IRX6: variants seen among roughly 807,000 people sequenced by gnomAD.
The protein encoded by IRX6 is iroquois-class homeodomain protein IRX-6.
Under a neutral mutation model 47.7 loss-of-function variants are expected in IRX6, and 46 were observed. The observed-to-expected ratio is 0.96, with a 90% CI of 0.76 to 1.23. IRX6 has a LOEUF of 1.23. Among genes scored for constraint, IRX6 ranks in the 50% most tolerant of loss-of-function variants. IRX6 has a pLI of 0.00. For synonymous variants in IRX6, 265 were observed against 246.2 expected (o/e 1.08, Z -0.72); for missense variants, 722 against 588.0 (o/e 1.23, Z -2.36).
chr16:55,329,423 A>G, intron 5 of IRX6, 112 bp downstream of exon 5: 1 of 1,364,474 alleles, frequency 7.3e-7, no homozygotes, highest in Non-Finnish European at 9.8e-7. Flanking sequence ...TCTCCCACAG[A>G]ACTGACGGGA....
intron 2 of IRX6, 26 bp from the exon 3 acceptor site, chr16:55,327,270 T>C (rs1960547295): frequency 6.4e-7 from 1 of 1,563,102 alleles, no homozygotes; most frequent in Non-Finnish European, 8.8e-7. Context: ...ACTGTACTCC[T>C]GAATTCTCTT....
intron 2 of IRX6, 43 bp from the exon 3 acceptor site, chr16:55,327,253 C>T (rs966406992): frequency 7.0e-7 from 1 of 1,436,070 alleles, no homozygotes; most frequent in Non-Finnish European, 9.8e-7. Flanking sequence ...CATGTGCCCC[C>T]TCCCCAACTG....
rs200538269 is a variant in IRX6, at chr16:55,329,053, A to C, written c.1075A>C (p.Thr359Pro). The stretch of plus-strand genomic sequence containing the variant: ...CATCTGGTCTCTGGCGCACACCGCG[A>C]CAGCCAGCGCTGTTGAAGGTGCACC... ...PRIWSLAHTA[T>P]ASAVEGAPPA... is the part of the protein sequence containing the mutation. Residue 359 changes from threonine to proline, a missense_variant, in exon 5 of 6, where the codon ACA (threonine) becomes CCA (proline). By Grantham distance (38) the Thr-to-Pro change is conservative. Coordinates refer to ENST00000290552, the MANE Select transcript of IRX6 (RefSeq NM_024335.3). 6.2e-7 allele frequency: 1 copy of C among 1,613,976 alleles called. No homozygotes were observed.
At position 55,328,965 on chromosome 16, in the gene IRX6, C is replaced by G. The variant is rs1178595577; in HGVS notation, c.987C>G (p.Phe329Leu). The change falls in exon 5 of 6, where the codon TTC becomes TTG. Residue 329 changes from phenylalanine (F) to leucine (L), a missense_variant. Physicochemically the swap from Phe to Leu is conservative, Grantham distance 22 (BLOSUM62 0). Transcript: ENST00000290552. ...CTTCCGGATCGGAAGAAGCTGACTTCCTCTCGGCGGAGACAGGCAGCCCTA... is the reference window on the plus strand; with the variant it reads ...CTTCCGGATCGGAAGAAGCTGACTTGCTCTCGGCGGAGACAGGCAGCCCTA... Reference protein sequence around the residue: ...NDPSGSEEADFLSAETGSPRL... With the variant: ...NDPSGSEEADLLSAETGSPRL... The G allele has an allele frequency of 1.2e-6, 2 of 1,613,726 alleles. No homozygotes were observed.
In IRX6 at chr16:55,327,756, C is replaced by T. The variant is rs746441939; in HGVS notation, c.584C>T (p.Thr195Ile). ...ITKMTLTQVS[T>I]WFANARRRLK... ...AAGATGACCCTCACCCAGGTGTCCA[C>T]CTGGTTCGCCAACGCACGCCGGCGC... Residue 195 changes from threonine (T) to isoleucine (I), a missense_variant, in exon 4 of 6, where the codon ACC becomes ATC. By Grantham distance (89) the Thr-to-Ile change is moderately conservative. Coordinates refer to ENST00000290552, the MANE Select transcript of IRX6 (RefSeq NM_024335.3). The T allele has an allele frequency of 8.7e-6, 14 of 1,612,366 alleles. No individual in the cohort carries two copies. In the Admixed American group the frequency reaches 1.3e-4, roughly 15 times the overall value.
Position 55,326,488 on chromosome 16 carries a change from C to A in IRX6, c.198C>A (p.Ala66=). Reference sequence around the variant, plus strand: ...GCAGTGCGCGACCGGAGCTGGGCGCCGCCTTGGGCATCTATGGAGCACCCT... The same window carrying A: ...GCAGTGCGCGACCGGAGCTGGGCGCAGCCTTGGGCATCTATGGAGCACCCT... The part of the protein sequence containing the change: ...LLGSARPELG[A]ALGIYGAPYA... Residue 66 remains alanine, a synonymous_variant, in exon 2 of 6, where the codon GCC becomes GCA. Transcript: ENST00000290552. 1 of 1,612,846 alleles carries A rather than the reference C, an allele frequency of 6.2e-7. No individual in the cohort carries two copies. The highest frequency in any genetic ancestry group is 8.5e-7 in the Non-Finnish European group (1 of 1,179,746).
At chr16:55,327,551 C>T (rs1490671226) in intron 3 of IRX6, 35 bp from the exon 4 acceptor site, 3 of 1,579,674 alleles carry the variant, frequency 1.9e-6, no homozygotes, top group Admixed American at 1.8e-5. Context: ...TTCCTTGTTC[C>T]TCTTCTATAA....
intron 5 of IRX6, 30 bp from the exon 6 acceptor site, chr16:55,330,268 T>G (rs1329402380): frequency 1.2e-6 from 2 of 1,611,972 alleles, no homozygotes; most frequent in Non-Finnish European, 1.7e-6. Flanking sequence ...TAAACAGCCT[T>G]TGGGTTTTAA....
intron 1 of IRX6, 42 bp downstream of exon 1, chr16:55,325,178 G>A: frequency 6.3e-7 from 1 of 1,598,170 alleles, no homozygotes; most frequent in Non-Finnish European, 8.6e-7. Context: ...AGACTGGGTG[G>A]AGGGAGTGCC....
rs1180908738 is a variant in IRX6 at position 55,325,952 on chromosome 16, T to A, written c.46-384T>A. On this transcript the variant is annotated intron_variant, in intron 1 of 5. Coordinates refer to ENST00000290552, the MANE Select transcript of IRX6 (RefSeq NM_024335.3). ...ATAGAATGGGAGCAGGAATGAGACG[T>A]TAATAATGGTCTCTAAGGCCACCTT... 1.4e-5 allele frequency: 3 copies of A among 208,976 alleles called. No individual in the cohort carries two copies. The East Asian group carries it at 4.0e-4, about 28-fold the overall frequency. 12.9% of individuals were successfully genotyped at this position (208,976 alleles called of 1,614,324 possible). A position where few individuals can be genotyped will look rare whatever the true frequency, so the allele number is the denominator to read the frequency against.
Position 55,324,263 on chromosome 16 carries a change from G to A in IRX6, c.-829G>A, listed in dbSNP as rs1422314318. On this transcript the variant is annotated 5_prime_UTR_variant, in exon 1 of 6. Transcript: ENST00000290552. The surrounding 1 kb of genome is among the most constrained non-coding windows in gnomAD (Gnocchi z 4.4). ...CCAGCTCCCTCCCCCTCCCCCACGC[G>A]CCTCTGTTCACTCAGACTCCTGTCT... 2 of 95,250 alleles carry A rather than the reference G, an allele frequency of 2.1e-5. No homozygotes were observed. Among genetic ancestry groups the A allele is most frequent in the African/African-American group, 8.4e-5 (2 of 23,888 alleles). 5.9% of individuals were successfully genotyped at this position (95,250 alleles called of 1,614,324 possible).
Position 55,329,131 on chromosome 16 carries a change from C to T in IRX6, c.1153C>T (p.Pro385Ser), listed in dbSNP as rs948525713. 6.8e-6 allele frequency: 11 copies of T among 1,614,018 alleles called. No homozygotes were observed. Among genetic ancestry groups the T allele is most frequent in the African/African-American group, 4.0e-5 (3 of 74,936 alleles). Residue 385 changes from proline to serine, a missense_variant, in exon 5 of 6, where the codon CCT becomes TCT. Physicochemically the swap from Pro to Ser is moderately conservative, Grantham distance 74. Coordinates refer to ENST00000290552, the MANE Select transcript of IRX6 (RefSeq NM_024335.3). ...TGAGTGCCGTATGATTCCTGGACAG[C>T]CTCCTGCCTCTGCCCGGCGACTCTC... The part of the protein sequence containing the change: ...SPECRMIPGQ[P>S]PASARRLSVP...
Position 55,330,477 on chromosome 16 carries a change from G to C in IRX6, c.*172G>C, listed in dbSNP as rs1009878948. On this transcript the variant is annotated 3_prime_UTR_variant, in exon 6 of 6. Transcript: ENST00000290552. ...CTGTCCTTGCACGCAGAGCTGGGGT[G>C]GTGGGCCGACTTGAACCTTAGCAGT... is the stretch of plus-strand genomic sequence containing the variant. 1.3e-5 allele frequency: 9 copies of C among 688,612 alleles called. No homozygotes were observed. In the African/African-American group the frequency reaches 1.6e-4, roughly 12 times the overall value. The allele number at this position is 688,612 out of a possible 1,614,324, so 42.7% of individuals were successfully genotyped here. A position where few individuals can be genotyped will look rare whatever the true frequency, so the allele number is the denominator to read the frequency against.
intron 1 of IRX6, chr16:55,326,116 T>G: frequency 1.8e-6 from 1 of 546,546 alleles, no homozygotes; most frequent in Non-Finnish European, 3.2e-6. Flanking sequence ...AGTAGGAGCA[T>G]CTATAAGGGC....
chr16:55,325,549 G>A (rs149718966), intron 1 of IRX6, among the ~76,000 whole-genome samples: 1,315 of 12,878 alleles, frequency 0.1, 482 homozygotes, highest in South Asian at 0.17. Context: ...GAGAGAGAGA[G>A]AGAGAGAGAG....
chr16:55,324,695 T>G lies in IRX6; in HGVS notation c.-397T>G. ...TGGCCCAGGGTCCCGGGGCCCGGGG[T>G]CCCGTCTGGCGGCCCGGGATTACCG... On this transcript the variant is annotated 5_prime_UTR_variant, in exon 1 of 6. Coordinates refer to ENST00000290552, the MANE Select transcript of IRX6 (RefSeq NM_024335.3). This position sits in a 1 kb window ranked among gnomAD's most constrained non-coding sequence, Gnocchi z 4.4. 1 of 206,334 alleles carries G rather than the reference T, an allele frequency of 4.8e-6. No individual in the cohort carries two copies. The highest frequency in any genetic ancestry group is 9.7e-6 in the Non-Finnish European group (1 of 102,740). 12.8% of individuals were successfully genotyped at this position (206,334 alleles called of 1,614,324 possible).
chr16:55,325,152 A>C lies in IRX6; in HGVS notation c.45+16A>C. 6.2e-7 allele frequency: 1 copy of C among 1,613,160 alleles called. No individual in the cohort carries two copies. The highest frequency in any genetic ancestry group is 8.5e-7 in the Non-Finnish European group (1 of 1,179,574). ...CGCTTCCCAGGTAAGAGGCGCCTCT[A>C]TGGGGGATAGGGGACAGACTGGGTG... On this transcript the variant is annotated intron_variant, in intron 1 of 5. Transcript: ENST00000290552.
intron 4 of IRX6, among the ~76,000 whole-genome samples, chr16:55,328,208 A>G (rs1960571446): frequency 6.6e-6 from 1 of 152,120 alleles, no homozygotes; most frequent in Admixed American, 6.5e-5. Flanking sequence ...CACTGTGAGA[A>G]AGTTTACATA....
rs776130572 is a variant in IRX6 at position 55,328,696 on chromosome 16, G to A, written c.722-4G>A. 5.0e-6 allele frequency: 8 copies of A among 1,612,370 alleles called. No homozygotes were observed. Among genetic ancestry groups the A allele is most frequent in the Middle Eastern group, 1.7e-4 (1 of 6,056 alleles). On this transcript the variant is annotated splice_polypyrimidine_tract_variant and splice_region_variant and intron_variant, in intron 4 of 5. Transcript: ENST00000290552. ...TTTTCTCACTCGCTCTTGATTTCCT[G>A]CAGAAGTTACTGCTAGCCAGGAGGC...
Sources: allele counts gnomAD v4.1 joint callset (sites outside exome capture counted in the v4.1 genomes callset), GRCh38; gene constraint gnomAD v4.1.1; non-coding constraint Gnocchi (gnomAD v3.1); transcripts MANE v1.5; gene names NCBI Gene and HGNC (gene_info 2026-07-23, HGNC 2026-07-21).